The following GALNT17 variants were observed in gnomAD, a reference collection of about 807,000 sequenced individuals.
GALNT17 encodes the protein UDP-GalNAc:polypeptide N-acetylgalactosaminyltransferase-like 3.
In GALNT17, 29 loss-of-function variants were observed where a neutral mutation model predicts 63.7. The observed-to-expected ratio is 0.46, with a 90% CI of 0.34 to 0.62. The LOEUF is 0.62. GALNT17 is among the 20% of genes least tolerant of loss of function. The pLI is 0.01. For missense variants in GALNT17, 603 were observed against 799.6 expected, an observed-to-expected ratio of 0.75 and a Z score of 2.97; for synonymous variants, 305 against 318.3, an observed-to-expected ratio of 0.96 and a Z score of 0.45.
intron 1 of GALNT17, among the ~76,000 whole-genome samples, chr7:71,241,488 C>T (rs948401930): frequency 1.1e-4 from 17 of 152,190 alleles, no homozygotes; most frequent in Admixed American, 5.2e-4. Flanking sequence ...AACCAAAGAA[C>T]AGGGATGTGA....
intron 1 of GALNT17, among the ~76,000 whole-genome samples, chr7:71,202,252 A>G (rs1789188312): frequency 6.6e-6 from 1 of 152,200 alleles, no homozygotes; most frequent in South Asian, 2.1e-4. Flanking sequence ...ATAATTAGAT[A>G]AATTTTAATT....
At chr7:71,285,019 T>C (rs956671773) in intron 1 of GALNT17, among the ~76,000 whole-genome samples, 1 of 152,118 alleles carries the variant, frequency 6.6e-6, no homozygotes, top group Non-Finnish European at 1.5e-5. Flanking sequence ...AGAAAAATAA[T>C]GCAAAATTCA....
At chr7:71,316,483 C>A (rs1791503917) in intron 1 of GALNT17, among the ~76,000 whole-genome samples, 1 of 152,142 alleles carries the variant, frequency 6.6e-6, no homozygotes, top group South Asian at 2.1e-4. Context: ...GTTGGTCTTG[C>A]AATTTCTGAT....
chr7:71,654,778 A>T (rs954956353), intron 6 of GALNT17, among the ~76,000 whole-genome samples: 3 of 152,084 alleles, frequency 2.0e-5, no homozygotes, highest in African/African-American at 7.2e-5. Flanking sequence ...GTTTTATTTT[A>T]TATTTTATTT....
chr7:71,356,984 G>A (rs982938242), intron 2 of GALNT17, among the ~76,000 whole-genome samples: 5 of 151,880 alleles, frequency 3.3e-5, no homozygotes, highest in South Asian at 2.1e-4. Context: ...GTTTCACCAC[G>A]TTGGTCAGGC....
intron 1 of GALNT17, among the ~76,000 whole-genome samples, chr7:71,331,995 A>G (rs1182584516): frequency 2.0e-5 from 3 of 152,214 alleles, no homozygotes; most frequent in Admixed American, 1.3e-4. Context: ...ATAAAAAGCT[A>G]AAGTCAAGGG....
At chr7:71,662,097 G>A (rs1790915798) in intron 6 of GALNT17, among the ~76,000 whole-genome samples, 1 of 152,166 alleles carries the variant, frequency 6.6e-6, no homozygotes, top group Non-Finnish European at 1.5e-5. Flanking sequence ...TGGATGGCTT[G>A]TGGAGGACAT....
At chr7:71,301,148 C>T (rs950690931) in intron 1 of GALNT17, among the ~76,000 whole-genome samples, 3 of 150,108 alleles carry the variant, frequency 2.0e-5, no homozygotes, top group African/African-American at 7.4e-5. Flanking sequence ...ATCAGCCACA[C>T]GTGATGGTGC....
chr7:71,352,624 TA>T (rs890701083), intron 2 of GALNT17, among the ~76,000 whole-genome samples: 4 of 152,040 alleles, frequency 2.6e-5, no homozygotes, highest in African/African-American at 9.7e-5. Flanking sequence ...GAGAGAGAGA[TA>T]GGGGTTGGGA....
chr7:71,171,426 G>A (rs1183751831), intron 1 of GALNT17, among the ~76,000 whole-genome samples: 1 of 152,190 alleles, frequency 6.6e-6, no homozygotes, highest in Non-Finnish European at 1.5e-5. Context: ...GCTTGAGCCT[G>A]GCAGTTCAGT....
chr7:71,162,487 T>G (rs1788367669), intron 1 of GALNT17, among the ~76,000 whole-genome samples: 3 of 151,656 alleles, frequency 2.0e-5, no homozygotes, highest in Admixed American at 2.0e-4. Flanking sequence ...CAAAGAAAAA[T>G]GAGAATGTGA....
intron 1 of GALNT17, among the ~76,000 whole-genome samples, chr7:71,237,226 C>G (rs1342231729): frequency 6.6e-6 from 1 of 152,134 alleles, no homozygotes; most frequent in Non-Finnish European, 1.5e-5. Context: ...GGCATTCCCC[C>G]GGCAAGTTCG....
At chr7:71,225,872 C>T (rs1789671010) in intron 1 of GALNT17, among the ~76,000 whole-genome samples, 1 of 152,064 alleles carries the variant, frequency 6.6e-6, no homozygotes, top group Non-Finnish European at 1.5e-5. Flanking sequence ...ATATTTTTGA[C>T]ATGAAATTAT....
chr7:71,143,905 G>A (rs1377091254), intron 1 of GALNT17, among the ~76,000 whole-genome samples: 1 of 151,924 alleles, frequency 6.6e-6, no homozygotes, highest in East Asian at 1.9e-4. Context: ...TGCAGCAGTG[G>A]GTATAGAGAG....
chr7:71,542,846 C>T (rs1000285990), intron 5 of GALNT17, among the ~76,000 whole-genome samples: 3 of 151,870 alleles, frequency 2.0e-5, no homozygotes, highest in African/African-American at 2.4e-5. Flanking sequence ...AGATTTACCC[C>T]GACTCCTTCA....
At chr7:71,308,726 G>A (rs1038035901) in intron 1 of GALNT17, among the ~76,000 whole-genome samples, 1 of 151,580 alleles carries the variant, frequency 6.6e-6, no homozygotes, top group Non-Finnish European at 1.5e-5. Context: ...CTTTGGAAGT[G>A]CCTTTCATTT....
intron 1 of GALNT17, among the ~76,000 whole-genome samples, chr7:71,265,741 G>A (rs1790481665): frequency 6.6e-6 from 1 of 152,180 alleles, no homozygotes; most frequent in Non-Finnish European, 1.5e-5. Flanking sequence ...GTCCATGGGT[G>A]GAGGCGTGGT....
intron 6 of GALNT17, among the ~76,000 whole-genome samples, chr7:71,573,057 TG>T (rs1305370463): frequency 6.6e-6 from 1 of 152,064 alleles, no homozygotes; most frequent in East Asian, 1.9e-4. Flanking sequence ...TTGCCCAGGC[TG>T]GGTGCAGTGG....
intron 1 of GALNT17, among the ~76,000 whole-genome samples, chr7:71,302,764 T>C (rs7791172): frequency 2.0e-5 from 3 of 152,206 alleles, no homozygotes; most frequent in Admixed American, 2.0e-4. Flanking sequence ...AACTTCCCCC[T>C]TTCAACATGG....
Sources: gnomAD v4.1 joint callset for allele counts (sites outside exome capture counted in the v4.1 genomes callset) on GRCh38, gnomAD v4.1.1 for gene constraint, MANE v1.5 for transcripts, NCBI Gene and HGNC (gene_info 2026-07-23, HGNC 2026-07-21) for gene names.